Variants in GRM5 observed in about 807,000 individuals in gnomAD.
GRM5 encodes metabotropic glutamate receptor 5.
GRM5 carries 19 observed loss-of-function variants against 83.1 expected under a neutral mutation model. That is an observed-to-expected ratio of 0.23 (90% CI 0.16 to 0.34). GRM5 has a LOEUF of 0.34. GRM5 is among the 10% of genes least tolerant of loss of function. The pLI is 1.00. For missense variants in GRM5, 1,160 were observed against 1,588.3 expected (o/e 0.73, Z 4.58); for synonymous variants, 675 against 633.6 (o/e 1.07, Z -0.98).
intron 2 of GRM5, among the ~76,000 whole-genome samples, chr11:88,934,148 A>C (rs979878499): frequency 6.6e-6 from 1 of 151,818 alleles, no homozygotes; most frequent in African/African-American, 2.4e-5. Context: ...GATAAGTCAC[A>C]ATCATCAAAA....
chr11:88,721,449 T>C (rs146280605), intron 3 of GRM5, among the ~76,000 whole-genome samples: 1 of 152,264 alleles, frequency 6.6e-6, no homozygotes, highest in Non-Finnish European at 1.5e-5. Flanking sequence ...TAGACCACTC[T>C]TCTTAATTTC....
chr11:88,887,209 T>C (rs1379432039), intron 2 of GRM5, among the ~76,000 whole-genome samples: 1 of 152,156 alleles, frequency 6.6e-6, no homozygotes, highest in Non-Finnish European at 1.5e-5. Context: ...AGCAGGAAAA[T>C]TGCCATTTAG....
intron 7 of GRM5, 81 bp downstream of exon 7, chr11:88,590,520 C>T (rs570409991): frequency 5.5e-6 from 6 of 1,100,664 alleles, no homozygotes; most frequent in Admixed American, 1.9e-5. Flanking sequence ...AGATGAGTAA[C>T]GCTTGGGGAT....
intron 2 of GRM5, among the ~76,000 whole-genome samples, chr11:89,021,112 C>A (rs1565338758): frequency 1.3e-5 from 2 of 151,894 alleles, no homozygotes; most frequent in Non-Finnish European, 2.9e-5. Context: ...TTTGTTATTA[C>A]AACAGTCTGA....
intron 3 of GRM5, 132 bp from the exon 4 acceptor site, chr11:88,653,535 G>A (rs898978643): frequency 1.4e-5 from 8 of 591,902 alleles, no homozygotes; most frequent in African/African-American, 5.6e-5. Flanking sequence ...ATATTACACC[G>A]ACATGATTAT....
chr11:88,871,957 T>C (rs1313426408), intron 2 of GRM5, among the ~76,000 whole-genome samples: 3 of 151,254 alleles, frequency 2.0e-5, no homozygotes, highest in African/African-American at 7.3e-5. Flanking sequence ...GGTCACAAAA[T>C]TAATAAATGT....
At chr11:88,536,748 A>T (rs2135125236) in intron 8 of GRM5, among the ~76,000 whole-genome samples, 1 of 152,322 alleles carries the variant, frequency 6.6e-6, no homozygotes, top group South Asian at 2.1e-4. Flanking sequence ...GGGAAAATAT[A>T]TGAGGTAGAA....
intron 2 of GRM5, among the ~76,000 whole-genome samples, chr11:88,995,665 T>G (rs371480249): frequency 1.8e-4 from 28 of 152,116 alleles, no homozygotes; most frequent in African/African-American, 6.0e-4. Flanking sequence ...TTCTCTGGAC[T>G]TGACAACTAT....
At chr11:88,616,195 TTAATAA>T (rs946895936) in intron 4 of GRM5, among the ~76,000 whole-genome samples, 28 of 152,290 alleles carry the variant, frequency 1.8e-4, no homozygotes, top group African/African-American at 6.5e-4. Context: ...CCAAGTTTTG[TTAATAA>T]TAATATGATT....
At chr11:88,825,655 A>G (rs1424367670) in intron 3 of GRM5, among the ~76,000 whole-genome samples, 2 of 152,314 alleles carry the variant, frequency 1.3e-5, no homozygotes, top group South Asian at 2.1e-4. Context: ...ATATGAATAA[A>G]TCTCTCAAAA....
chr11:88,949,540 T>C (rs1938388550), intron 2 of GRM5, among the ~76,000 whole-genome samples: 1 of 152,204 alleles, frequency 6.6e-6, no homozygotes, highest in Non-Finnish European at 1.5e-5. Flanking sequence ...TTCAAGTAAT[T>C]GACCAGATTA....
chr11:88,860,510 G>A (rs549734237), intron 2 of GRM5, among the ~76,000 whole-genome samples: 4 of 152,260 alleles, frequency 2.6e-5, no homozygotes, highest in Admixed American at 2.6e-4. Flanking sequence ...TGGATCTAAT[G>A]ACAATGCAGA....
chr11:88,516,711 T>C (rs1941529318), intron 9 of GRM5, among the ~76,000 whole-genome samples: 1 of 106,522 alleles, frequency 9.4e-6, no homozygotes, highest in Non-Finnish European at 1.9e-5. Flanking sequence ...AGGAAGTTTC[T>C]TGATTATCCT....
intron 4 of GRM5, among the ~76,000 whole-genome samples, chr11:88,637,777 C>G (rs1008385533): frequency 4.0e-5 from 6 of 148,612 alleles, no homozygotes; most frequent in African/African-American, 1.5e-4. Context: ...ACTAGAAATA[C>G]CATTTGACCC....
intron 2 of GRM5, among the ~76,000 whole-genome samples, chr11:89,014,319 G>T (rs768256827): frequency 5.3e-5 from 8 of 152,092 alleles, no homozygotes; most frequent in Admixed American, 2.0e-4. Flanking sequence ...CACAGCACAT[G>T]GTACAGAAAA....
intron 3 of GRM5, among the ~76,000 whole-genome samples, chr11:88,737,339 C>G (rs4753700): frequency 6.6e-6 from 1 of 151,766 alleles, no homozygotes; most frequent in Non-Finnish European, 1.5e-5. Context: ...ATGTTGAAGT[C>G]AAGAAGAGTG....
intron 2 of GRM5, among the ~76,000 whole-genome samples, chr11:88,921,119 T>A (rs543709035): frequency 3.3e-5 from 5 of 151,934 alleles, no homozygotes; most frequent in Non-Finnish European, 7.4e-5. Flanking sequence ...TTAAAAATAG[T>A]GTGATTAAAA....
At chr11:88,822,851 T>A (rs1474949661) in intron 3 of GRM5, among the ~76,000 whole-genome samples, 3 of 151,966 alleles carry the variant, frequency 2.0e-5, no homozygotes, top group African/African-American at 7.3e-5. Flanking sequence ...CTCTGGAAAT[T>A]TGAGGTATCT....
intron 2 of GRM5, among the ~76,000 whole-genome samples, chr11:89,003,991 C>A (rs1344612532): frequency 1.3e-5 from 2 of 151,954 alleles, no homozygotes; most frequent in Non-Finnish European, 2.9e-5. Flanking sequence ...TGAATAAGGT[C>A]GGAGTGAAGG....
Sources: gnomAD v4.1 joint callset for allele counts (sites outside exome capture counted in the v4.1 genomes callset) on GRCh38, gnomAD v4.1.1 for gene constraint, MANE v1.5 for transcripts, NCBI Gene and HGNC (gene_info 2026-07-23, HGNC 2026-07-21) for gene names.